Variants in SLC25A21 observed in about 807,000 individuals in gnomAD.
SLC25A21 encodes the protein mitochondrial 2-oxodicarboxylate carrier.
In SLC25A21, 47 loss-of-function variants were observed where a neutral mutation model predicts 43.8. The observed-to-expected ratio is 1.07, with a 90% CI of 0.85 to 1.37. The LOEUF is 1.37. Ranked by LOEUF, SLC25A21 falls within the 40% of genes most tolerant of loss-of-function variation. The pLI is 0.00. For synonymous variants in SLC25A21, 131 were observed against 121.3 expected (o/e 1.08, Z -0.52); for missense variants, 352 against 350.2 (o/e 1.00, Z -0.04).
intron 1 of SLC25A21, among the ~76,000 whole-genome samples, chr14:36,955,484 T>C (rs1401168987): frequency 6.6e-6 from 1 of 152,206 alleles, no homozygotes; most frequent in Non-Finnish European, 1.5e-5. Flanking sequence ...GTCTATCCTG[T>C]CATTTAGATG....
At chr14:36,921,401 T>A (rs1891978123) in intron 1 of SLC25A21, among the ~76,000 whole-genome samples, 1 of 152,122 alleles carries the variant, frequency 6.6e-6, no homozygotes, top group Non-Finnish European at 1.5e-5. Flanking sequence ...GAGTCCTTTA[T>A]CCTCAATGAA....
intron 1 of SLC25A21, among the ~76,000 whole-genome samples, chr14:37,141,978 A>T (rs1021240647): frequency 1.3e-5 from 2 of 152,168 alleles, no homozygotes; most frequent in African/African-American, 4.8e-5. Flanking sequence ...GTGGGTTGCG[A>T]CAGTGGCCTC....
At chr14:37,159,255 A>C (rs954140662) in intron 1 of SLC25A21, among the ~76,000 whole-genome samples, 9 of 152,084 alleles carry the variant, frequency 5.9e-5, no homozygotes, top group African/African-American at 1.9e-4. Context: ...ATCAAAAAAG[A>C]GGCAAAATAG....
At chr14:36,917,847 TG>T (rs1891872992) in intron 1 of SLC25A21, among the ~76,000 whole-genome samples, 2 of 152,156 alleles carry the variant, frequency 1.3e-5, no homozygotes, top group Non-Finnish European at 1.5e-5. Flanking sequence ...CAGAGAAAGC[TG>T]AAGATTCAGA....
At chr14:36,919,716 G>C (rs1360351804) in intron 1 of SLC25A21, among the ~76,000 whole-genome samples, 7 of 151,464 alleles carry the variant, frequency 4.6e-5, no homozygotes, top group African/African-American at 1.7e-4. Flanking sequence ...TGAAGTTTTG[G>C]GTAATTACTC....
chr14:36,853,659 T>G (rs1260436596), intron 2 of SLC25A21, among the ~76,000 whole-genome samples: 1 of 152,206 alleles, frequency 6.6e-6, no homozygotes, highest in Non-Finnish European at 1.5e-5. Context: ...TAGTTGGTTA[T>G]ACAGAAAAAC....
intron 3 of SLC25A21, among the ~76,000 whole-genome samples, chr14:36,753,568 T>C (rs1016979431): frequency 1.3e-5 from 2 of 152,198 alleles, no homozygotes; most frequent in African/African-American, 4.8e-5. Context: ...CTTGGGATGT[T>C]CTAAAATTTA....
At chr14:37,040,356 A>AAGGAAG in intron 1 of SLC25A21, among the ~76,000 whole-genome samples, 1 of 36,882 alleles carries the variant, frequency 2.7e-5, no homozygotes, top group African/African-American at 4.1e-4. Context: ...AAGGAAGGAA[A>AAGGAAG]GAAAGAGAGA....
chr14:36,907,725 AG>A (rs1279704686), intron 1 of SLC25A21, among the ~76,000 whole-genome samples: 6 of 152,174 alleles, frequency 3.9e-5, no homozygotes, highest in Admixed American at 3.9e-4. Context: ...ATATTACCTT[AG>A]ATGCCAAAAG....
chr14:36,893,921 C>T (rs954945803), intron 1 of SLC25A21, among the ~76,000 whole-genome samples: 5 of 152,116 alleles, frequency 3.3e-5, no homozygotes, highest in Admixed American at 6.5e-5. Context: ...GTACCAGTAC[C>T]ATGCTGTTTT....
intron 3 of SLC25A21, among the ~76,000 whole-genome samples, chr14:36,757,345 T>C (rs1023749561): frequency 1.3e-5 from 2 of 152,108 alleles, no homozygotes; most frequent in Admixed American, 1.3e-4. Flanking sequence ...CAATACAAAG[T>C]TCAACAGCTC....
chr14:37,056,827 C>T (rs1961841144), intron 1 of SLC25A21, among the ~76,000 whole-genome samples: 1 of 152,156 alleles, frequency 6.6e-6, no homozygotes, highest in Non-Finnish European at 1.5e-5. Context: ...TTTCTTTCTC[C>T]CATACAGACT....
At chr14:36,698,701 C>T (rs781576164) in intron 7 of SLC25A21, among the ~76,000 whole-genome samples, 1 of 152,024 alleles carries the variant, frequency 6.6e-6, no homozygotes, top group South Asian at 2.1e-4. Context: ...TCCACTTGAT[C>T]GAATTGGCTA....
intron 1 of SLC25A21, 102 bp downstream of exon 1, chr14:37,172,179 G>T: frequency 8.3e-7 from 1 of 1,208,060 alleles, no homozygotes; most frequent in Non-Finnish European, 1.1e-6. Flanking sequence ...TTTTGAGGAA[G>T]AGGGCAGAAC....
intron 1 of SLC25A21, among the ~76,000 whole-genome samples, chr14:37,134,212 T>G (rs976305128): frequency 6.6e-6 from 1 of 152,214 alleles, no homozygotes; most frequent in Non-Finnish European, 1.5e-5. Flanking sequence ...ATTTTTGTAC[T>G]TGTGAGACTT....
At chr14:36,705,343 C>T (rs146723658) in intron 7 of SLC25A21, among the ~76,000 whole-genome samples, 2,353 of 152,184 alleles carry the variant, frequency 0.015, 37 homozygotes, top group Middle Eastern at 0.061. Context: ...CTGCGTCCGG[C>T]GGCTTACTGT....
intron 1 of SLC25A21, among the ~76,000 whole-genome samples, chr14:37,005,545 T>G (rs1960583880): frequency 6.6e-6 from 1 of 152,192 alleles, no homozygotes; most frequent in Non-Finnish European, 1.5e-5. Context: ...ACAGCATCTG[T>G]TAAAAATTGA....
intron 1 of SLC25A21, among the ~76,000 whole-genome samples, chr14:37,011,388 C>T (rs930103984): frequency 6.6e-6 from 1 of 152,056 alleles, no homozygotes; most frequent in Admixed American, 6.5e-5. Context: ...TTTCCAAGGA[C>T]TCTAATTGAG....
At chr14:36,694,299 A>C (rs1256381207) in intron 7 of SLC25A21, among the ~76,000 whole-genome samples, 2 of 152,042 alleles carry the variant, frequency 1.3e-5, no homozygotes, top group Non-Finnish European at 2.9e-5. Flanking sequence ...CATTTTCTTA[A>C]TCCAGTCTAT....
Sources: gnomAD v4.1 joint callset for allele counts (sites outside exome capture counted in the v4.1 genomes callset) on GRCh38, gnomAD v4.1.1 for gene constraint, MANE v1.5 for transcripts, NCBI Gene and HGNC (gene_info 2026-07-23, HGNC 2026-07-21) for gene names.